MTRR: variants seen among roughly 807,000 people sequenced by gnomAD.
MTRR encodes 5-methyltetrahydrofolate-homocysteine methyltransferase reductase, also known as methionine synthase reductase.
In MTRR, 63 loss-of-function variants were observed where a neutral mutation model predicts 79.2. The ratio of observed to expected loss-of-function variants is 0.80; its 90% confidence interval spans 0.65 to 0.98. The LOEUF (loss-of-function observed/expected upper bound fraction) is 0.98, where lower values mean the gene tolerates loss of function less well. Ranked by LOEUF, MTRR falls within the 50% of genes least tolerant of loss-of-function variation. MTRR has a pLI of 0.00. For missense variants in MTRR, 895 were observed against 839.6 expected, an observed-to-expected ratio of 1.07 and a Z score of -0.82; for synonymous variants, 355 against 313.3, an observed-to-expected ratio of 1.13 and a Z score of -1.41.
chr5:7,897,422 A>C (rs1738726279), intron 14 of MTRR, among the ~76,000 whole-genome samples, 175 bp downstream of exon 14: 1 of 152,226 alleles, frequency 6.6e-6, no homozygotes, highest in South Asian at 2.1e-4. Context: ...AATAGCCCAG[A>C]GGTTGTTATT....
intron 2 of MTRR, among the ~76,000 whole-genome samples, chr5:7,872,950 C>T (rs1748240691): frequency 6.6e-6 from 1 of 152,120 alleles, no homozygotes; most frequent in Non-Finnish European, 1.5e-5. Flanking sequence ...TGCTGATTTG[C>T]CTTGCAGATT....
chr5:7,896,289 A>G (rs1014448204), intron 12 of MTRR: 23 of 191,138 alleles, frequency 1.2e-4, no homozygotes, highest in Non-Finnish European at 1.1e-4. Flanking sequence ...ATATCAGAAC[A>G]GAAGTATTTG....
intron 1 of MTRR, among the ~76,000 whole-genome samples, chr5:7,854,283 A>G (rs12520142): frequency 0.53 from 80,806 of 151,768 alleles, 22,910 homozygotes; most frequent in Middle Eastern, 0.65. Context: ...TGGGTTAAAC[A>G]TAGTGTATTA....
At chr5:7,871,387 A>G (rs1579601512) in intron 2 of MTRR, among the ~76,000 whole-genome samples, 1 of 152,222 alleles carries the variant, frequency 6.6e-6, no homozygotes, top group African/African-American at 2.4e-5. Context: ...GGATCTGGAA[A>G]AAACTCGGCT....
In MTRR at chr5:7,869,174, A is replaced by C. The variant is rs1192141412; in HGVS notation, c.-67A>C. ...GTGCGCGCTGGCGCAAGGTTGGTGGAAGTCGCGTTGTGCAGGTTCGTGCCC... is the reference window on the plus strand; with the variant it reads ...GTGCGCGCTGGCGCAAGGTTGGTGGCAGTCGCGTTGTGCAGGTTCGTGCCC... On this transcript the variant is annotated 5_prime_UTR_variant, in exon 1 of 15. Coordinates refer to ENST00000440940, the MANE Select transcript of MTRR (RefSeq NM_002454.3). 6.2e-7 allele frequency: 1 copy of C among 1,612,206 alleles called. No homozygotes were observed. The highest frequency in any genetic ancestry group is 1.1e-5 in the South Asian group (1 of 91,088).
intron 6 of MTRR, chr5:7,885,345 G>A: frequency 4.1e-6 from 1 of 243,212 alleles, no homozygotes; most frequent in South Asian, 5.2e-5. Flanking sequence ...GTGTGTGCAT[G>A]TATGTTTTTG....
upstream of MTRR, chr5:7,865,984 C>T (rs777039584): frequency 2.8e-5 from 45 of 1,612,886 alleles, no homozygotes; most frequent in Non-Finnish European, 3.6e-5. Flanking sequence ...GATTCTTTAC[C>T]TGAAACAGAA....
chr5:7,888,225 C>T (rs970292278), intron 8 of MTRR, among the ~76,000 whole-genome samples: 1 of 152,070 alleles, frequency 6.6e-6, no homozygotes, highest in Non-Finnish European at 1.5e-5. Context: ...AAAATATTTA[C>T]ATTTTAAATT....
Position 7,878,081 on chromosome 5 carries a change from T to A in MTRR, c.539T>A (p.Val180Glu). Reference protein sequence around the residue: ...ASPASSRTDLVKSELLHIESQ... With the variant: ...ASPASSRTDLEKSELLHIESQ... Reference sequence around the variant, plus strand: ...CCTGCATCCTCGAGGACAGACCTTGTGAAGTCAGAGCTGCTACACATTGAA... The same window carrying A: ...CCTGCATCCTCGAGGACAGACCTTGAGAAGTCAGAGCTGCTACACATTGAA... The change falls in exon 5 of 15, where the codon GTG becomes GAG. Residue 180 changes from valine (V) to glutamate (E), a missense_variant. Physicochemically the swap from Val to Glu is moderately radical, Grantham distance 121. Transcript: ENST00000440940. The A allele has an allele frequency of 6.2e-7, 1 of 1,614,026 alleles. No individual in the cohort carries two copies. The highest frequency in any genetic ancestry group is 8.5e-7 in the Non-Finnish European group (1 of 1,180,016).
chr5:7,866,950 G>C, upstream of MTRR: 1 of 1,614,166 alleles, frequency 6.2e-7, no homozygotes, highest in Non-Finnish European at 8.5e-7. Flanking sequence ...GTTCTCTACT[G>C]CAGTACTCCA....
At chr5:7,888,139 G>GT (rs1026003202) in intron 8 of MTRR, among the ~76,000 whole-genome samples, 29 of 151,914 alleles carry the variant, frequency 1.9e-4, no homozygotes, top group Admixed American at 1.3e-4. Context: ...AAACTTTCTT[G>GT]TACTGTATTA....
In MTRR at chr5:7,889,049, C is replaced by T. The variant is rs1159406169; in HGVS notation, c.1147-46C>T. 2.5e-6 allele frequency: 4 copies of T among 1,609,970 alleles called. No homozygotes were observed. The African/African-American group carries it at 5.3e-5, about 22-fold the overall frequency. On this transcript the variant is annotated intron_variant, in intron 8 of 14. Coordinates refer to ENST00000440940, the MANE Select transcript of MTRR (RefSeq NM_002454.3). ...CATTTAACTGAATATTCTAATAGCTCTACCCACAAATTGTGTCACAATTTA... is the reference window on the plus strand; with the variant it reads ...CATTTAACTGAATATTCTAATAGCTTTACCCACAAATTGTGTCACAATTTA...
At chr5:7,894,292 C>G (rs1738137068) in intron 11 of MTRR, among the ~76,000 whole-genome samples, 1 of 152,262 alleles carries the variant, frequency 6.6e-6, no homozygotes, top group African/African-American at 2.4e-5. Flanking sequence ...CCACCCTGCC[C>G]TACTATGGCG....
At chr5:7,859,351 G>C (rs1189505096) in intron 1 of MTRR, 7 of 745,474 alleles carry the variant, frequency 9.4e-6, no homozygotes, top group Non-Finnish European at 1.5e-5. Context: ...CTGCAAAGTG[G>C]CTAATTCACA....
chr5:7,863,050 A>G, intron 2 of MTRR: 1 of 1,494,274 alleles, frequency 6.7e-7, no homozygotes, highest in Non-Finnish European at 9.2e-7. Context: ...ATAACAACAG[A>G]GAATAAATTG....
At chr5:7,868,963 C>T, upstream of MTRR, 1 of 767,706 alleles carries the variant, frequency 1.3e-6, no homozygotes, top group Non-Finnish European at 2.3e-6. Flanking sequence ...CGCGGAGACC[C>T]CGCGTTGACA....
At chr5:7,891,035 A>G (rs911491248) in intron 9 of MTRR, among the ~76,000 whole-genome samples, 21 of 150,486 alleles carry the variant, frequency 1.4e-4, no homozygotes, top group Admixed American at 4.0e-4. Context: ...AAAACTGCAC[A>G]TATACCTAGT....
intron 1 of MTRR, among the ~76,000 whole-genome samples, chr5:7,858,255 C>T (rs1337176654): frequency 6.6e-6 from 1 of 152,168 alleles, no homozygotes; most frequent in Non-Finnish European, 1.5e-5. Flanking sequence ...CTGATATGAT[C>T]TGGAACAGAT....
At position 7,885,726 on chromosome 5, in the gene MTRR, G is replaced by A; in HGVS notation, c.929G>A (p.Gly310Glu). ...AATACAGACTTTTCCTATCAGCCTG[G>A]AGATGCCTTCAGCGTGATCTGCCCT... The part of the protein sequence containing the change: ...ISNTDFSYQP[G>E]DAFSVICPNS... Residue 310 changes from glycine (G) to glutamate (E), a missense_variant, in exon 7 of 15, where the codon GGA becomes GAA. Transcript: ENST00000440940. 1 of 1,613,280 alleles carries A rather than the reference G, an allele frequency of 6.2e-7. No homozygotes were observed. Among genetic ancestry groups the A allele is most frequent in the Non-Finnish European group, 8.5e-7 (1 of 1,179,922 alleles).
Sources: gnomAD v4.1 joint callset for allele counts (sites outside exome capture counted in the v4.1 genomes callset) on GRCh38, gnomAD v4.1.1 for gene constraint, MANE v1.5 for transcripts, NCBI Gene and HGNC (gene_info 2026-07-23, HGNC 2026-07-21) for gene names.